Variants in KIAA1671 observed in about 807,000 individuals in gnomAD.
KIAA1671 encodes the protein uncharacterized protein KIAA1671.
In KIAA1671, 52 loss-of-function variants were observed where a neutral mutation model predicts 131.2. That is an observed-to-expected ratio of 0.40 (90% CI 0.32 to 0.50). KIAA1671 has a LOEUF of 0.50. KIAA1671 is among the 20% of genes least tolerant of loss of function. The pLI, the probability that KIAA1671 is intolerant of heterozygous loss-of-function variation, is 0.73. For synonymous variants in KIAA1671, 1,003 were observed against 961.6 expected (o/e 1.04, Z -0.80); for missense variants, 2,360 against 2,364.2 (o/e 1.00, Z 0.04).
At position 25,177,863 on chromosome 22, in the gene KIAA1671, G is replaced by C. The variant is rs528619459; in HGVS notation, c.5074+341G>C. 2.6e-5 allele frequency among the ~76,000 whole-genome samples: 4 copies of C among 152,076 alleles called. No individual in the cohort carries two copies. The South Asian group carries it at 8.3e-4, about 32-fold the overall frequency. ...TGGGCAGCCTTGGGTTCCCATCCCAGCTGGCTGCTCCTTCTGGGGCTGTCT... is the reference window on the plus strand; with the variant it reads ...TGGGCAGCCTTGGGTTCCCATCCCACCTGGCTGCTCCTTCTGGGGCTGTCT... On this transcript the variant is annotated intron_variant, in intron 9 of 12. Coordinates refer to ENST00000358431, the MANE Select transcript of KIAA1671 (RefSeq NM_001145206.2).
intron 6 of KIAA1671, chr22:25,055,356 G>A (rs1927778045): frequency 6.7e-6 from 1 of 149,842 alleles, no homozygotes; most frequent in Admixed American, 6.6e-5. Flanking sequence ...GAGTCCAAAT[G>A]AGAAGGAAAC....
At chr22:25,096,294 G>GGTGGCA in intron 6 of KIAA1671, among the ~76,000 whole-genome samples, 1 of 152,180 alleles carries the variant, frequency 6.6e-6, no homozygotes, top group Admixed American at 6.5e-5. Flanking sequence ...CTGGGGTCAG[G>GGTGGCA]GTGGCAGTGG....
At chr22:25,191,364 C>G (rs1272960167) in intron 12 of KIAA1671, among the ~76,000 whole-genome samples, 1 of 152,070 alleles carries the variant, frequency 6.6e-6, no homozygotes, top group Non-Finnish European at 1.5e-5. Flanking sequence ...CCATGTTGGA[C>G]AGGCTGGTCT....
intron 1 of KIAA1671, among the ~76,000 whole-genome samples, chr22:24,980,838 C>T (rs1230287284): frequency 1.3e-5 from 2 of 151,934 alleles, no homozygotes; most frequent in East Asian, 1.9e-4. Context: ...CCTCCACCTC[C>T]GGAGTTCAAG....
At chr22:25,089,901 G>T (rs1016213044) in intron 6 of KIAA1671, among the ~76,000 whole-genome samples, 2 of 152,178 alleles carry the variant, frequency 1.3e-5, no homozygotes, top group African/African-American at 4.8e-5. Flanking sequence ...ATTGAACAGG[G>T]GTTTTCTAGG....
At chr22:25,022,335 C>T (rs1350481815) in intron 1 of KIAA1671, among the ~76,000 whole-genome samples, 3 of 152,156 alleles carry the variant, frequency 2.0e-5, no homozygotes, top group African/African-American at 7.2e-5. Context: ...AGAAAAGCTG[C>T]CAAACTGTTT....
Position 24,990,625 on chromosome 22 carries a change from A to T in KIAA1671, c.-207-35008A>T, listed in dbSNP as rs76989965. Among the ~76,000 whole-genome samples the T allele has an allele frequency of 2.8e-4, 43 of 152,350 alleles. No homozygotes were observed. The East Asian group carries it at 7.1e-3, about 25-fold the overall frequency. The stretch of plus-strand genomic sequence containing the variant: ...CACCTCCAACCCAGCGCTGACATGG[A>T]CAGGCCACCTCTGGAGCGTCACCAT... On this transcript the variant is annotated intron_variant, in intron 1 of 12. Coordinates refer to ENST00000358431, the MANE Select transcript of KIAA1671 (RefSeq NM_001145206.2).
At chr22:25,027,113 A>G (rs1412563861) in intron 2 of KIAA1671, among the ~76,000 whole-genome samples, 1 of 152,206 alleles carries the variant, frequency 6.6e-6, no homozygotes, top group African/African-American at 2.4e-5. Context: ...CTTTCTATTA[A>G]GAGTATGAAG....
chr22:25,193,266 C>T lies in KIAA1671; in HGVS notation c.*865C>T, dbSNP rs1934725594. 2.0e-5 allele frequency: 3 copies of T among 152,190 alleles called. No homozygotes were observed. The highest frequency in any genetic ancestry group is 7.2e-5 in the African/African-American group (3 of 41,438). 9.4% of individuals were successfully genotyped at this position (152,190 alleles called of 1,614,324 possible). ...ACTCTTGTATTTATTTCCATGGCTT[C>T]TTTTCATTTGAGCTCTGGTTTCGGT... On this transcript the variant is annotated 3_prime_UTR_variant, in exon 13 of 13. Coordinates refer to ENST00000358431, the MANE Select transcript of KIAA1671 (RefSeq NM_001145206.2).
intron 6 of KIAA1671, among the ~76,000 whole-genome samples, chr22:25,084,383 G>T (rs192824453): frequency 2.2e-3 from 332 of 148,250 alleles, no homozygotes; most frequent in African/African-American, 7.8e-3. Context: ...GCTGAGGCAG[G>T]AGAATCGCTT....
intron 1 of KIAA1671, among the ~76,000 whole-genome samples, chr22:25,024,928 G>C (rs1407522888): frequency 6.6e-6 from 1 of 151,994 alleles, no homozygotes; most frequent in Non-Finnish European, 1.5e-5. Flanking sequence ...GGTAGGAGGG[G>C]GTTGTACCGG....
At position 25,082,968 on chromosome 22, in the gene KIAA1671, C is replaced by G. The variant is rs1929490488; in HGVS notation, c.4530+33604C>G. ...TATATTAATAAAATATAGGCATGTT[C>G]ATGTTGACCTAATATTTTGTTGCTA... On this transcript the variant is annotated intron_variant, in intron 6 of 12. Coordinates refer to ENST00000358431, the MANE Select transcript of KIAA1671 (RefSeq NM_001145206.2). Among the ~76,000 whole-genome samples the G allele has an allele frequency of 3.3e-5, 5 of 152,222 alleles. No homozygotes were observed. The South Asian group carries it at 1.0e-3, about 32-fold the overall frequency.
At chr22:24,958,838 C>A (rs1240158220) in intron 1 of KIAA1671, among the ~76,000 whole-genome samples, 1 of 150,814 alleles carries the variant, frequency 6.6e-6, no homozygotes, top group Non-Finnish European at 1.5e-5. Context: ...AAAAAATAGC[C>A]AGGTATGGTG....
chr22:25,173,832 A>G lies in KIAA1671; in HGVS notation c.4650-408A>G, dbSNP rs555657470. 3.9e-5 allele frequency among the ~76,000 whole-genome samples: 6 copies of G among 152,272 alleles called. No individual in the cohort carries two copies. In the South Asian group the frequency reaches 1.0e-3, roughly 26 times the overall value. On this transcript the variant is annotated intron_variant, in intron 7 of 12. Transcript: ENST00000358431. ...GAGGCAGTTTACATTCTTTTTTTCT[A>G]TTCAAAGTATTGGAAATCCAGTGTG...
intron 6 of KIAA1671, among the ~76,000 whole-genome samples, chr22:25,085,745 T>A (rs1929673973): frequency 8.0e-6 from 1 of 125,574 alleles, no homozygotes; most frequent in Non-Finnish European, 1.6e-5. Context: ...ATATGTTGAG[T>A]GAAGCAAACT....
chr22:25,093,140 C>T (rs1287557271), intron 6 of KIAA1671, among the ~76,000 whole-genome samples: 1 of 152,216 alleles, frequency 6.6e-6, no homozygotes, highest in Non-Finnish European at 1.5e-5. Flanking sequence ...ACACAACCCT[C>T]ACACAAACCC....
chr22:25,001,645 G>C (rs982995079), intron 1 of KIAA1671, among the ~76,000 whole-genome samples: 1 of 152,138 alleles, frequency 6.6e-6, no homozygotes, highest in African/African-American at 2.4e-5. Flanking sequence ...TAGGATTAGA[G>C]TGGGACATGA....
chr22:25,068,774 T>C (rs1473706493), intron 6 of KIAA1671, among the ~76,000 whole-genome samples: 1 of 152,204 alleles, frequency 6.6e-6, no homozygotes, highest in Non-Finnish European at 1.5e-5. Context: ...TGTTAGATGC[T>C]CTGCCTGGTG....
chr22:24,964,866 C>G (rs1010408582), intron 1 of KIAA1671, among the ~76,000 whole-genome samples: 1 of 152,152 alleles, frequency 6.6e-6, no homozygotes, highest in African/African-American at 2.4e-5. Flanking sequence ...CCACCATGCT[C>G]TGAATCACTC....
Sources: allele counts gnomAD v4.1 joint callset (sites outside exome capture counted in the v4.1 genomes callset), GRCh38; gene constraint gnomAD v4.1.1; transcripts MANE v1.5; gene names NCBI Gene and HGNC (gene_info 2026-07-23, HGNC 2026-07-21).